Variants in ABCA7 observed in about 807,000 individuals in gnomAD.
ABCA7 encodes phospholipid-transporting ATPase ABCA7.
A neutral mutation model predicts 227.6 loss-of-function variants in ABCA7; 261 were observed. The observed-to-expected ratio is 1.15, with a 90% CI of 1.04 to 1.27. The LOEUF is 1.27. Ranked by LOEUF, ABCA7 falls within the 50% of genes most tolerant of loss-of-function variation. ABCA7 has a pLI of 0.00. For missense variants in ABCA7, 3,331 were observed against 2,924.5 expected, an observed-to-expected ratio of 1.14 and a Z score of -3.21; for synonymous variants, 1,488 against 1,279.7, an observed-to-expected ratio of 1.16 and a Z score of -3.47.
intron 16 of ABCA7, among the ~76,000 whole-genome samples, chr19:1,047,992 C>G (rs903978738): frequency 1.3e-5 from 2 of 151,760 alleles, no homozygotes; most frequent in Non-Finnish European, 2.9e-5. Flanking sequence ...AGTTTGAGAC[C>G]AGGCTGGGCA....
Position 1,045,092 on chromosome 19 carries a change from G to C in ABCA7, c.1306G>C (p.Ala436Pro), listed in dbSNP as rs1283341962. 1 of 1,612,848 alleles carries C rather than the reference G, an allele frequency of 6.2e-7. No homozygotes were observed. The highest frequency in any genetic ancestry group is 1.7e-5 in the Admixed American group (1 of 59,988). ...LQLLAEHRFW[A>P]GVVFLGPEDS... ...ACTGCTCGCGGAACATCGATTCTGG[G>C]CCGGCGTCGTCTTCTTGGGACCTGA... The change falls in exon 12 of 47, where the codon GCC becomes CCC. Residue 436 changes from alanine to proline, a missense_variant. Physicochemically the swap from Ala to Pro is conservative, Grantham distance 27. Coordinates refer to ENST00000263094, the MANE Select transcript of ABCA7 (RefSeq NM_019112.4).
chr19:1,063,189 A>G (rs566131585), intron 42 of ABCA7, among the ~76,000 whole-genome samples: 86 of 91,642 alleles, frequency 9.4e-4, no homozygotes, highest in Non-Finnish European at 1.7e-3. Flanking sequence ...GCCCCGCCCC[A>G]TACTCATGCT....
intron 16 of ABCA7, 132 bp downstream of exon 16, chr19:1,047,786 G>T: frequency 4.6e-6 from 5 of 1,080,208 alleles, no homozygotes; most frequent in East Asian, 5.5e-5. Context: ...GGGGCTTCTT[G>T]GCACACGCAT....
rs755583115 is a variant in ABCA7, at chr19:1,042,412, C to G, written c.498+15C>G. The G allele has an allele frequency of 6.2e-7, 1 of 1,610,470 alleles. No homozygotes were observed. The highest frequency in any genetic ancestry group is 8.5e-7 in the Non-Finnish European group (1 of 1,178,636). On this transcript the variant is annotated intron_variant, in intron 6 of 46. Transcript: ENST00000263094. ...TGCTGCGCACGGTAGGGTGTCGGGG[C>G]GGGACCGCGCTGACTTCCTGGGACA...
chr19:1,050,376 C>T (rs2041449823), intron 18 of ABCA7, among the ~76,000 whole-genome samples: 4 of 148,630 alleles, frequency 2.7e-5, no homozygotes, highest in African/African-American at 7.3e-5. Flanking sequence ...TGTGCCGTTG[C>T]ACTCCAGCCT....
In ABCA7 at chr19:1,053,812, T is replaced by C. The variant is rs146894513; in HGVS notation, c.3448T>C (p.Cys1150Arg). 5.0e-6 allele frequency: 8 copies of C among 1,611,588 alleles called. No homozygotes were observed. In the East Asian group the frequency reaches 6.7e-5, roughly 13 times the overall value. The change falls in exon 25 of 47, where the codon TGT becomes CGT. Residue 1150 changes from cysteine (C) to arginine (R), a missense_variant. Physicochemically the swap from Cys to Arg is radical, Grantham distance 180. Coordinates refer to ENST00000263094, the MANE Select transcript of ABCA7 (RefSeq NM_019112.4). ...GATCTTCCTGAAGGTGGTGGAGGAG[T>C]GTGCTGCGGACACAGATATGGAGGG... The part of the protein sequence containing the change: ...EEIFLKVVEE[C>R]AADTDMEDGS...
chr19:1,053,895 C>T, intron 25 of ABCA7, 59 bp downstream of exon 25: 2 of 1,592,794 alleles, frequency 1.3e-6, no homozygotes, highest in Non-Finnish European at 1.7e-6. Context: ...GAGGCCAGGT[C>T]CCCATCCCTG....
In ABCA7 at chr19:1,052,225, C is replaced by A; in HGVS notation, c.3159C>A (p.Asp1053Glu). 2 of 1,578,170 alleles carry A rather than the reference C, an allele frequency of 1.3e-6. No homozygotes were observed. Among genetic ancestry groups the A allele is most frequent in the Non-Finnish European group, 8.6e-7 (1 of 1,163,100 alleles). ...CTCTCTGCCCGCAGGCTGACACTGACATGGAGGGCAGTGTGGACACCAGGC... is the reference window on the plus strand; with the variant it reads ...CTCTCTGCCCGCAGGCTGACACTGAAATGGAGGGCAGTGTGGACACCAGGC... ...PLTTNEKADTDMEGSVDTRQE... is the reference protein window; with the variant it reads ...PLTTNEKADTEMEGSVDTRQE... Residue 1053 changes from aspartate (D) to glutamate (E), a missense_variant, in exon 23 of 47, where the codon GAC becomes GAA. By Grantham distance (45) the Asp-to-Glu change is conservative. Transcript: ENST00000263094.
At chr19:1,048,191 T>TAAAA (rs35966146) in intron 16 of ABCA7, among the ~76,000 whole-genome samples, 4 of 101,444 alleles carry the variant, frequency 3.9e-5, no homozygotes, top group East Asian at 3.1e-4. Context: ...TCCATCTCTT[T>TAAAA]AAAAAAAAAA....
Position 1,053,733 on chromosome 19 carries a change from G to A in ABCA7, c.3424-55G>A. 9 of 1,575,380 alleles carry A rather than the reference G, an allele frequency of 5.7e-6. No individual in the cohort carries two copies. The Admixed American group carries it at 1.2e-4, about 22-fold the overall frequency. ...TGTAGGAGGGGTGGGGGGCTCACAA[G>A]CCCCCAGTTCTCCCTGTCGGTGTCC... On this transcript the variant is annotated intron_variant, in intron 24 of 46. Transcript: ENST00000263094.
intron 13 of ABCA7, 41 bp from the exon 14 acceptor site, chr19:1,046,761 C>A: frequency 6.6e-7 from 1 of 1,515,308 alleles, no homozygotes; most frequent in Non-Finnish European, 8.8e-7. Context: ...GGGGGGTCTG[C>A]GGAGGGTCTC....
rs776832970 is a variant in ABCA7 at position 1,061,814 on chromosome 19, G to T, written c.5496G>T (p.Gly1832=). ...GGCTGCTGGGTGTGAATGGAGCAGG[G>T]AAGACGTCCACGTTTCGCATGGTGA... ...CFGLLGVNGA[G]KTSTFRMVTG... is the part of the protein sequence containing the mutation. Residue 1832 remains glycine, a synonymous_variant, in exon 41 of 47, where the codon GGG becomes GGT. Transcript: ENST00000263094. 5 of 1,612,444 alleles carry T rather than the reference G, an allele frequency of 3.1e-6. No individual in the cohort carries two copies. Among genetic ancestry groups the T allele is most frequent in the Non-Finnish European group, 4.2e-6 (5 of 1,179,332 alleles).
chr19:1,064,096 G>A (rs2042872296), intron 44 of ABCA7, 65 bp from the exon 45 acceptor site: 2 of 1,473,746 alleles, frequency 1.4e-6, no homozygotes, highest in African/African-American at 1.4e-5. Context: ...GGGGGAAGCA[G>A]GCAGTGTGGC....
intron 6 of ABCA7, 141 bp downstream of exon 6, chr19:1,042,538 G>A (rs751894726): frequency 2.6e-6 from 3 of 1,164,858 alleles, no homozygotes; most frequent in African/African-American, 3.0e-5. Flanking sequence ...CTGCTTGTCC[G>A]TCTGGGCCCC....
chr19:1,046,988 C>G lies in ABCA7; in HGVS notation c.1809C>G (p.Phe603Leu), dbSNP rs768153299. The G allele has an allele frequency of 6.3e-7, 1 of 1,580,192 alleles. No individual in the cohort carries two copies. The highest frequency in any genetic ancestry group is 8.6e-7 in the Non-Finnish European group (1 of 1,166,382). The change falls in exon 14 of 47, where the codon TTC (phenylalanine) becomes TTG (leucine). Residue 603 changes from phenylalanine (F) to leucine (L), a missense_variant. Physicochemically the swap from Phe to Leu is conservative, Grantham distance 22 (BLOSUM62 0). Coordinates refer to ENST00000263094, the MANE Select transcript of ABCA7 (RefSeq NM_019112.4). Reference sequence around the variant, plus strand: ...GGTTCCTCAGCTGCCTCGGGCCCTTCCTGCTCAGCGCCGCACTGCTGGTTC... The same window carrying G: ...GGTTCCTCAGCTGCCTCGGGCCCTTGCTGCTCAGCGCCGCACTGCTGGTTC... ...LGWFLSCLGP[F>L]LLSAALLVLV... is the part of the protein sequence containing the mutation.
At position 1,048,984 on chromosome 19, in the gene ABCA7, C is replaced by T; in HGVS notation, c.2359C>T (p.Pro787Ser). 1 of 1,600,704 alleles carries T rather than the reference C, an allele frequency of 6.2e-7. No individual in the cohort carries two copies. Residue 787 changes from proline to serine, a missense_variant, in exon 17 of 47, where the codon CCC (proline) becomes TCC (serine). Coordinates refer to ENST00000263094, the MANE Select transcript of ABCA7 (RefSeq NM_019112.4). ...PRPPKSPAPC[P>S]TPLDPKVLVE... ...GCCCCCCAAGAGTCCAGCCCCTTGC[C>T]CCACCCCGCTGGACCCAAAGGGTGA...
chr19:1,057,553 C>A (rs764146186), intron 35 of ABCA7, 124 bp downstream of exon 35: 1 of 974,150 alleles, frequency 1.0e-6, no homozygotes, highest in East Asian at 2.5e-5. Context: ...GAGGTGATGC[C>A]GTGTGTGATC....
At chr19:1,046,720 A>T in intron 13 of ABCA7, 82 bp from the exon 14 acceptor site, 1 of 1,387,286 alleles carries the variant, frequency 7.2e-7, no homozygotes, top group South Asian at 1.3e-5. Flanking sequence ...ATCCCGGGAC[A>T]CGAACCAGTC....
In ABCA7 at chr19:1,042,072, G is replaced by T; in HGVS notation, c.311G>T (p.Arg104Leu). 6.3e-7 allele frequency: 1 copy of T among 1,593,416 alleles called. No homozygotes were observed. Among genetic ancestry groups the T allele is most frequent in the Non-Finnish European group, 8.5e-7 (1 of 1,176,592 alleles). ...LSNFNDSLVS[R>L]LLADARTVLG... ...CCTCTCTCTGTCCCCAGGGTCTCCC[G>T]GCTGCTAGCCGATGCCCGCACTGTG... is the stretch of plus-strand genomic sequence containing the variant. The change falls in exon 5 of 47, where the codon CGG (arginine) becomes CTG (leucine). Residue 104 changes from arginine (R) to leucine (L), a missense_variant. Transcript: ENST00000263094.
Sources: gnomAD v4.1 joint callset for allele counts (sites outside exome capture counted in the v4.1 genomes callset) on GRCh38, gnomAD v4.1.1 for gene constraint, MANE v1.5 for transcripts, NCBI Gene and HGNC (gene_info 2026-07-23, HGNC 2026-07-21) for gene names.